The following PRORP variants were observed in gnomAD, a reference collection of about 807,000 sequenced individuals.
PRORP encodes mitochondrial ribonuclease P catalytic subunit.
PRORP carries 51 observed loss-of-function variants against 59.4 expected under a neutral mutation model. The observed-to-expected ratio is 0.86, with a 90% CI of 0.69 to 1.08. PRORP has a LOEUF of 1.08. PRORP is among the 50% of genes least tolerant of loss of function. The pLI is 0.00. For missense variants in PRORP, 646 were observed against 690.3 expected, an observed-to-expected ratio of 0.94 and a Z score of 0.72; for synonymous variants, 231 against 245.6, an observed-to-expected ratio of 0.94 and a Z score of 0.55.
At position 35,277,093 on chromosome 14, in the gene PRORP, T is replaced by G. The variant is rs1191316617; in HGVS notation, c.*3527T>G. 6.6e-6 allele frequency: 1 copy of G among 152,186 alleles called. No individual in the cohort carries two copies. The highest frequency in any genetic ancestry group is 1.5e-5 in the Non-Finnish European group (1 of 68,042). 9.4% of individuals were successfully genotyped at this position (152,186 alleles called of 1,614,324 possible). A position where few individuals can be genotyped will look rare whatever the true frequency, so the allele number is the denominator to read the frequency against. The stretch of plus-strand genomic sequence containing the variant: ...TAGGCTGGAGTGCAATGGTTTGATC[T>G]CAGTTCACTGCAACCTCTGCCTCCT... On this transcript the variant is annotated 3_prime_UTR_variant, in exon 8 of 8. Coordinates refer to ENST00000534898, the MANE Select transcript of PRORP (RefSeq NM_014672.4).
At chr14:35,250,657 A>G (rs1396695890) in intron 5 of PRORP, among the ~76,000 whole-genome samples, 1 of 152,120 alleles carries the variant, frequency 6.6e-6, no homozygotes, top group Non-Finnish European at 1.5e-5. Context: ...GAAGGTAGAG[A>G]GGTAGATTGA....
Position 35,138,017 on chromosome 14 carries a change from C to T in PRORP, c.1167+10406C>T, listed in dbSNP as rs545759173. ...ACCACAAACCAGGTGGCTTTAACAG[C>T]AGAAATTCATTTTCTCACCATTCTG... On this transcript the variant is annotated intron_variant, in intron 4 of 7. Coordinates refer to ENST00000534898, the MANE Select transcript of PRORP (RefSeq NM_014672.4). Among the ~76,000 whole-genome samples, 2 of 146,014 alleles carry T rather than the reference C, an allele frequency of 1.4e-5. 1 individual carries two copies. The highest frequency in any genetic ancestry group is 4.6e-4 in the East Asian group (2 of 4,302).
At chr14:35,225,464 A>G (rs1305716103) in intron 5 of PRORP, among the ~76,000 whole-genome samples, 2 of 151,884 alleles carry the variant, frequency 1.3e-5, no homozygotes. Context: ...CTCCTGCCTC[A>G]GCCTCCCGAG....
chr14:35,216,045 G>T (rs1376797834), intron 5 of PRORP, among the ~76,000 whole-genome samples: 1 of 140,626 alleles, frequency 7.1e-6, no homozygotes, highest in Non-Finnish European at 1.5e-5. Context: ...GGGATTATAG[G>T]CATGAGCCAC....
chr14:35,177,292 T>C (rs895254263), intron 4 of PRORP, among the ~76,000 whole-genome samples: 1 of 152,046 alleles, frequency 6.6e-6, no homozygotes, highest in Non-Finnish European at 1.5e-5. Context: ...CTTTTTCTAT[T>C]GATTGGAATA....
chr14:35,152,934 G>C (rs377177605), intron 4 of PRORP, among the ~76,000 whole-genome samples: 1 of 144,142 alleles, frequency 6.9e-6, no homozygotes, highest in Non-Finnish European at 1.5e-5. Context: ...GGGGCTCCTC[G>C]CATCCCAGAC....
intron 6 of PRORP, among the ~76,000 whole-genome samples, chr14:35,268,342 C>CAAAA (rs769701565): frequency 1.1e-3 from 55 of 50,494 alleles, no homozygotes; most frequent in African/African-American, 2.1e-3. Flanking sequence ...GAGACTGTCT[C>CAAAA]AAAAAAAAAA....
At chr14:35,219,628 TA>T (rs2049719523) in intron 5 of PRORP, among the ~76,000 whole-genome samples, 1 of 152,240 alleles carries the variant, frequency 6.6e-6, no homozygotes, top group East Asian at 1.9e-4. Flanking sequence ...AATGGCACCC[TA>T]CATGTTGGAC....
intron 5 of PRORP, among the ~76,000 whole-genome samples, chr14:35,199,205 C>T (rs530490649): frequency 2.0e-5 from 3 of 149,046 alleles, no homozygotes; most frequent in East Asian, 2.0e-4. Context: ...CATGGTGGTG[C>T]GTGCCTGTAG....
At chr14:35,186,345 ATT>A (rs11350940) in intron 5 of PRORP, among the ~76,000 whole-genome samples, 3 of 150,380 alleles carry the variant, frequency 2.0e-5, no homozygotes, top group Non-Finnish European at 3.0e-5. Context: ...TAATGGTTGT[ATT>A]TTTTTTTCTT....
chr14:35,235,223 G>A (rs2050179256), intron 5 of PRORP: 15 of 721,982 alleles, frequency 2.1e-5, no homozygotes, highest in Admixed American at 7.1e-5. Context: ...TTCGAGCTTG[G>A]TGATGCGAGC....
intron 5 of PRORP, among the ~76,000 whole-genome samples, chr14:35,209,997 TTAAG>T (rs1427663881): frequency 1.3e-5 from 2 of 152,242 alleles, no homozygotes; most frequent in African/African-American, 4.8e-5. Flanking sequence ...GATAAGATCT[TTAAG>T]TTTCTCTTAT....
intron 5 of PRORP, among the ~76,000 whole-genome samples, chr14:35,214,922 G>A (rs2049547746): frequency 6.6e-6 from 1 of 152,100 alleles, no homozygotes; most frequent in Admixed American, 6.6e-5. Flanking sequence ...CAAAACAAAG[G>A]TGGGTGTCTT....
At chr14:35,186,387 CATA>C in intron 5 of PRORP, among the ~76,000 whole-genome samples, 1 of 151,388 alleles carries the variant, frequency 6.6e-6, no homozygotes, top group South Asian at 2.1e-4. Flanking sequence ...ATTTATATAA[CATA>C]ATATTCACCC....
At chr14:35,221,516 G>A (rs571812264) in intron 5 of PRORP, among the ~76,000 whole-genome samples, 58 of 152,190 alleles carry the variant, frequency 3.8e-4, no homozygotes, top group African/African-American at 1.4e-3. Flanking sequence ...TGATTGGGGA[G>A]TTTGTTGGTG....
At chr14:35,151,815 A>T (rs1207944102) in intron 4 of PRORP, among the ~76,000 whole-genome samples, 2 of 152,132 alleles carry the variant, frequency 1.3e-5, no homozygotes, top group Non-Finnish European at 2.9e-5. Context: ...CAATTTGTTG[A>T]ATAAATGAAT....
At chr14:35,172,023 T>G (rs1018380345) in intron 4 of PRORP, among the ~76,000 whole-genome samples, 1 of 151,642 alleles carries the variant, frequency 6.6e-6, no homozygotes, top group Non-Finnish European at 1.5e-5. Flanking sequence ...TTTCTTTCTT[T>G]GCATTAATTA....
intron 5 of PRORP, among the ~76,000 whole-genome samples, chr14:35,206,314 C>G (rs1321307129): frequency 2.0e-5 from 3 of 152,090 alleles, no homozygotes; most frequent in African/African-American, 7.2e-5. Context: ...TAGCGAATTC[C>G]CTGAGTGAGG....
intron 5 of PRORP, among the ~76,000 whole-genome samples, chr14:35,182,842 C>G (rs1300619430): frequency 6.6e-6 from 1 of 152,038 alleles, no homozygotes; most frequent in African/African-American, 2.4e-5. Context: ...TTGTCTGTAA[C>G]TTTCATTATC....
Sources: gnomAD v4.1 joint callset for allele counts (sites outside exome capture counted in the v4.1 genomes callset) on GRCh38, gnomAD v4.1.1 for gene constraint, MANE v1.5 for transcripts, NCBI Gene and HGNC (gene_info 2026-07-23, HGNC 2026-07-21) for gene names.